Variants in HAL observed in about 807,000 individuals in gnomAD.
The protein encoded by HAL is histidine ammonia-lyase.
HAL carries 85 observed loss-of-function variants against 81.1 expected under a neutral mutation model. The observed-to-expected ratio is 1.05, with a 90% CI of 0.88 to 1.25. HAL has a LOEUF of 1.25. Ranked by LOEUF, HAL falls within the 50% of genes most tolerant of loss-of-function variation. The pLI, the probability that HAL is intolerant of heterozygous loss-of-function variation, is 0.00. For missense variants in HAL, 798 were observed against 836.6 expected, an observed-to-expected ratio of 0.95 and a Z score of 0.57; for synonymous variants, 301 against 309.2, an observed-to-expected ratio of 0.97 and a Z score of 0.28.
intron 17 of HAL, among the ~76,000 whole-genome samples, chr12:95,978,424 C>T (rs1327894387): frequency 6.6e-6 from 1 of 152,106 alleles, no homozygotes; most frequent in African/African-American, 2.4e-5. Context: ...TACTTGACGT[C>T]AATTTGGTTG....
intron 9 of HAL, among the ~76,000 whole-genome samples, chr12:95,991,267 T>G (rs1949967083): frequency 6.6e-6 from 1 of 152,224 alleles, no homozygotes; most frequent in Admixed American, 6.5e-5. Context: ...TTTTTGTTTT[T>G]GTTTTACAGT....
chr12:95,994,653 G>C, intron 4 of HAL, 145 bp downstream of exon 4: 1 of 852,582 alleles, frequency 1.2e-6, no homozygotes, highest in African/African-American at 1.7e-5. Flanking sequence ...GCCACCCAAA[G>C]TGCTGGGACT....
At chr12:95,992,112 C>A (rs1438306327) in intron 9 of HAL, among the ~76,000 whole-genome samples, 2 of 152,192 alleles carry the variant, frequency 1.3e-5, no homozygotes, top group Non-Finnish European at 1.5e-5. Flanking sequence ...TTAGAATTTT[C>A]CTATCCAAGA....
chr12:95,976,045 G>A, intron 20 of HAL: 1 of 354,274 alleles, frequency 2.8e-6, no homozygotes, highest in South Asian at 2.2e-5. Context: ...GGTCTACGCA[G>A]CCATTGCACC....
At chr12:95,984,735 GC>G (rs1490692914) in intron 14 of HAL, among the ~76,000 whole-genome samples, 1 of 152,224 alleles carries the variant, frequency 6.6e-6, no homozygotes, top group Non-Finnish European at 1.5e-5. Context: ...TGATAATGGT[GC>G]CTGTCACATA....
rs996189189 is a variant in HAL, at chr12:95,992,579, A to G, written c.715+101T>C. The G allele has an allele frequency of 8.7e-5, 93 of 1,064,432 alleles. 1 individual carries two copies. In the African/African-American group the frequency reaches 1.1e-3, roughly 13 times the overall value. The allele number at this position is 1,064,432 out of a possible 1,614,324, so 65.9% of individuals were successfully genotyped here. ...ATTTCCCACTCATTTCAATTATTTC[A>G]TGTCTTCTCAGGTGATTCCTCAGCA... On this transcript the variant is annotated intron_variant, in intron 9 of 20. Coordinates refer to ENST00000261208, the MANE Select transcript of HAL (RefSeq NM_002108.4).
At chr12:95,977,275 A>T (rs2080732243) in intron 18 of HAL, among the ~76,000 whole-genome samples, 2 of 152,042 alleles carry the variant, frequency 1.3e-5, no homozygotes, top group African/African-American at 4.8e-5. Flanking sequence ...GTCTGCACTC[A>T]CTAGAGTTCA....
intron 14 of HAL, among the ~76,000 whole-genome samples, chr12:95,985,324 G>A (rs530321397): frequency 3.0e-4 from 46 of 152,134 alleles, no homozygotes; most frequent in South Asian, 8.3e-4. Flanking sequence ...GCCGGGGACG[G>A]TCCTCACGCC....
intron 20 of HAL, chr12:95,976,052 C>A (rs1405667758): frequency 5.6e-6 from 2 of 356,048 alleles, no homozygotes; most frequent in African/African-American, 4.3e-5. Context: ...GCAGCCATTG[C>A]ACCCAGTGGT....
intron 4 of HAL, 145 bp downstream of exon 4, chr12:95,994,653 G>A: frequency 1.2e-6 from 1 of 852,582 alleles, no homozygotes; most frequent in Non-Finnish European, 2.0e-6. Context: ...GCCACCCAAA[G>A]TGCTGGGACT....
At position 95,976,594 on chromosome 12, in the gene HAL, T is replaced by G. The variant is rs765520436; in HGVS notation, c.1763+4A>C. ...GTAATTTTCAGAGACCTGTTTGATC[T>G]TACCTTACAACAGAGCGCACCAGGT... is the stretch of plus-strand genomic sequence containing the variant. On this transcript the variant is annotated splice_donor_region_variant and intron_variant, in intron 19 of 20. Coordinates refer to ENST00000261208, the MANE Select transcript of HAL (RefSeq NM_002108.4). 3 of 1,602,132 alleles carry G rather than the reference T, an allele frequency of 1.9e-6. No homozygotes were observed. Among genetic ancestry groups the G allele is most frequent in the South Asian group, 1.1e-5 (1 of 90,862 alleles).
chr12:95,974,210 T>C lies in HAL; in HGVS notation c.*22A>G. ...GTGCTAAACTGACTGCCCTCTCATC[T>C]GCTACTTCATGACAAAGCCCATTAA... On this transcript the variant is annotated 3_prime_UTR_variant, in exon 21 of 21. Coordinates refer to ENST00000261208, the MANE Select transcript of HAL (RefSeq NM_002108.4). 1 of 1,611,270 alleles carries C rather than the reference T, an allele frequency of 6.2e-7. No individual in the cohort carries two copies. Among genetic ancestry groups the C allele is most frequent in the Non-Finnish European group, 8.5e-7 (1 of 1,177,362 alleles).
chr12:95,982,731 A>G (rs1164522573), intron 15 of HAL, among the ~76,000 whole-genome samples: 1 of 152,258 alleles, frequency 6.6e-6, no homozygotes, highest in Non-Finnish European at 1.5e-5. Flanking sequence ...TTATGGAGCT[A>G]TCACATAACC....
In HAL at chr12:95,995,886, G is replaced by A. The variant is rs201646460; in HGVS notation, c.25C>T (p.Arg9Cys). ...CAGGGCACTGCCAGCCATTCCCCAC[G>A]TACGTGCACCGTGTATCTGGGCATG... Reference protein sequence around the residue: MPRYTVHVRGEWLAVPCQD... With the variant: MPRYTVHVCGEWLAVPCQD... Residue 9 changes from arginine to cysteine, a missense_variant, in exon 2 of 21, where the codon CGT becomes TGT. Arg to Cys is a radical substitution (Grantham distance 180). Transcript: ENST00000261208. 620 of 1,605,864 alleles carry A rather than the reference G, an allele frequency of 3.9e-4. No individual in the cohort carries two copies. Among genetic ancestry groups the A allele is most frequent in the Non-Finnish European group, 5.1e-4 (600 of 1,179,904 alleles).
chr12:95,990,852 G>A (rs1467613068), intron 9 of HAL, among the ~76,000 whole-genome samples: 1 of 152,220 alleles, frequency 6.6e-6, no homozygotes, highest in Admixed American at 6.5e-5. Context: ...GCTCAAGCCT[G>A]TAATCCCAGC....
At position 95,992,688 on chromosome 12, in the gene HAL, A is replaced by G. The variant is rs1949986266; in HGVS notation, c.707T>C (p.Met236Thr). 6.2e-7 allele frequency: 1 copy of G among 1,612,256 alleles called. No homozygotes were observed. The highest frequency in any genetic ancestry group is 1.1e-5 in the South Asian group (1 of 91,040). The change falls in exon 9 of 21, where the codon ATG becomes ACG. Residue 236 changes from methionine (M) to threonine (T), a missense_variant. Transcript: ENST00000261208. The part of the protein sequence containing the change: ...SLETLKQVIE[M>T]FNASCLPYVP... ...GGGAGCCATTGCATTACCATTAAACATTTCTATGACTTGTTTGAGGGTCTC... is the reference window on the plus strand; with the variant it reads ...GGGAGCCATTGCATTACCATTAAACGTTTCTATGACTTGTTTGAGGGTCTC...
At position 95,980,624 on chromosome 12, in the gene HAL, G is replaced by A. The variant is rs111999184; in HGVS notation, c.1451C>T (p.Ala484Val). 6.2e-7 allele frequency: 1 copy of A among 1,613,946 alleles called. No homozygotes were observed. Among genetic ancestry groups the A allele is most frequent in the Non-Finnish European group, 8.5e-7 (1 of 1,179,802 alleles). Reference protein sequence around the residue: ...LCNPSLSELPAFLVAEGGLNS... With the variant: ...LCNPSLSELPVFLVAEGGLNS... ...CAGACCACCTTCAGCCACCAGGAAG[G>A]CAGGCAGCTCACTGAGGGAGGGATT... The change falls in exon 17 of 21, where the codon GCC becomes GTC. Residue 484 changes from alanine to valine, a missense_variant. Ala to Val is a moderately conservative substitution (Grantham distance 64). Coordinates refer to ENST00000261208, the MANE Select transcript of HAL (RefSeq NM_002108.4).
In HAL at chr12:95,975,174, C is replaced by T. The variant is rs1018208290; in HGVS notation, c.1834-802G>A. The stretch of plus-strand genomic sequence containing the variant: ...ACTCAAAGCGTGGCCTGTGCCCCTG[C>T]AGTATCAGCATCACCTGGGACAAGT... On this transcript the variant is annotated intron_variant, in intron 20 of 20. Coordinates refer to ENST00000261208, the MANE Select transcript of HAL (RefSeq NM_002108.4). Among the ~76,000 whole-genome samples, 34 of 152,240 alleles carry T rather than the reference C, an allele frequency of 2.2e-4. 1 individual carries two copies. Among genetic ancestry groups the T allele is most frequent in the Non-Finnish European group, 4.4e-5 (3 of 68,040 alleles).
rs527984227 is a variant in HAL, at chr12:95,987,658, G to A, written c.904-444C>T. 1.1e-4 allele frequency among the ~76,000 whole-genome samples: 16 copies of A among 152,292 alleles called. 1 individual carries two copies. Among genetic ancestry groups the A allele is most frequent in the Admixed American group, 4.6e-4 (7 of 15,292 alleles). On this transcript the variant is annotated intron_variant, in intron 11 of 20. Transcript: ENST00000261208. ...TCTCTCAGAGATCCTAACAGAACTC[G>A]ATTTGAAGTTTTAAGTTCCTAAGAG...
Sources: gnomAD v4.1 joint callset for allele counts (sites outside exome capture counted in the v4.1 genomes callset) on GRCh38, gnomAD v4.1.1 for gene constraint, MANE v1.5 for transcripts, NCBI Gene and HGNC (gene_info 2026-07-23, HGNC 2026-07-21) for gene names.